Variants in PARP12 observed in about 807,000 individuals in gnomAD.
PARP12 encodes poly(ADP-ribose) polymerase family member 12, also known as protein mono-ADP-ribosyltransferase PARP12.
Under a neutral mutation model 72.4 loss-of-function variants are expected in PARP12, and 59 were observed. That is an observed-to-expected ratio of 0.81 (90% CI 0.66 to 1.01). The LOEUF (loss-of-function observed/expected upper bound fraction) is 1.01, where lower values mean the gene tolerates loss of function less well. PARP12 is among the 50% of genes least tolerant of loss of function. PARP12 has a pLI of 0.00. For synonymous variants in PARP12, 403 were observed against 371.4 expected (o/e 1.09, Z -0.98); for missense variants, 851 against 914.0 (o/e 0.93, Z 0.89).
chr7:140,044,338 G>A (rs1464134272), intron 5 of PARP12, among the ~76,000 whole-genome samples: 1 of 152,194 alleles, frequency 6.6e-6, no homozygotes, highest in African/African-American at 2.4e-5. Flanking sequence ...TTGGATTCGG[G>A]TGGGCCCTAA....
chr7:140,050,789 T>C (rs1006435815), intron 4 of PARP12, among the ~76,000 whole-genome samples: 4 of 151,776 alleles, frequency 2.6e-5, no homozygotes, highest in African/African-American at 4.8e-5. Context: ...ATTTTTAGGA[T>C]ACAAAAAACA....
In PARP12 at chr7:140,024,900, G is replaced by A. The variant is rs747311214; in HGVS notation, c.1781-15C>T. On this transcript the variant is annotated splice_polypyrimidine_tract_variant and intron_variant, in intron 11 of 11. Coordinates refer to ENST00000263549, the MANE Select transcript of PARP12 (RefSeq NM_022750.4). ...AAAGTAGCTCCCTGAAATGACACACGAGGGCTCAGCTGGTGGAGGGGCCTG... is the reference window on the plus strand; with the variant it reads ...AAAGTAGCTCCCTGAAATGACACACAAGGGCTCAGCTGGTGGAGGGGCCTG... 22 of 1,609,006 alleles carry A rather than the reference G, an allele frequency of 1.4e-5. No individual in the cohort carries two copies. The Admixed American group carries it at 2.0e-4, about 15-fold the overall frequency.
chr7:140,027,520 G>A (rs1448574394), intron 9 of PARP12, 114 bp from the exon 10 acceptor site: 8 of 1,296,516 alleles, frequency 6.2e-6, no homozygotes, highest in Admixed American at 5.8e-5. Context: ...AGCCCAGAGA[G>A]CAGTGACCAC....
chr7:140,039,864 G>A (rs934665239), intron 6 of PARP12, among the ~76,000 whole-genome samples: 1 of 151,678 alleles, frequency 6.6e-6, no homozygotes, highest in African/African-American at 2.4e-5. Context: ...ATCCACACGC[G>A]GTTCATCCCC....
rs1397647842 is a variant in PARP12, at chr7:140,062,549, T to G, written c.299A>C (p.Tyr100Ser). 6.4e-7 allele frequency: 1 copy of G among 1,555,558 alleles called. No homozygotes were observed. The highest frequency in any genetic ancestry group is 8.7e-7 in the Non-Finnish European group (1 of 1,155,140). The stretch of plus-strand genomic sequence containing the variant: ...GGCTCTCAGGAACTTGCAGGCGCCG[T>G]AGACCATGAACCTGCAGAGGTGGAG... ...AQLHLCRFMV[Y>S]GACKFLRAGK... Residue 100 changes from tyrosine to serine, a missense_variant, in exon 1 of 12, where the codon TAC (tyrosine) becomes TCC (serine). By Grantham distance (144) the Tyr-to-Ser change is moderately radical. Coordinates refer to ENST00000263549, the MANE Select transcript of PARP12 (RefSeq NM_022750.4).
chr7:140,048,575 C>A (rs1389806803), intron 4 of PARP12, among the ~76,000 whole-genome samples: 2 of 152,100 alleles, frequency 1.3e-5, no homozygotes, highest in Non-Finnish European at 1.5e-5. Flanking sequence ...CAGAATGCCT[C>A]TATTTGGGTA....
At chr7:140,054,937 G>C (rs565787715) in intron 3 of PARP12, among the ~76,000 whole-genome samples, 174 bp from the exon 4 acceptor site, 1 of 152,216 alleles carries the variant, frequency 6.6e-6, no homozygotes, top group South Asian at 2.1e-4. Flanking sequence ...TTTAGTGACA[G>C]GCTGGCAGCC....
intron 11 of PARP12, among the ~76,000 whole-genome samples, chr7:140,025,922 C>T (rs1404071942): frequency 3.3e-5 from 5 of 152,222 alleles, no homozygotes; most frequent in African/African-American, 9.6e-5. Context: ...TCTCCTCTCC[C>T]GTCTCTGTCA....
intron 8 of PARP12, among the ~76,000 whole-genome samples, chr7:140,029,468 T>C (rs982471717): frequency 3.3e-5 from 5 of 152,182 alleles, no homozygotes; most frequent in African/African-American, 1.2e-4. Flanking sequence ...AACATATACC[T>C]TCATCCTAAG....
At chr7:140,044,478 T>C (rs1007200799) in intron 5 of PARP12, among the ~76,000 whole-genome samples, 1 of 152,138 alleles carries the variant, frequency 6.6e-6, no homozygotes, top group Non-Finnish European at 1.5e-5. Flanking sequence ...TTTCTAAGCA[T>C]CAGAATCCTG....
chr7:140,062,438 T>C, intron 1 of PARP12, 84 bp downstream of exon 1: 1 of 1,362,856 alleles, frequency 7.3e-7, no homozygotes, highest in South Asian at 1.4e-5. Context: ...TGCTCAAACT[T>C]CAAGTAGGAC....
rs1815647554 is a variant in PARP12, at chr7:140,024,544, G to T, written c.*16C>A. Reference sequence around the variant, plus strand: ...CAAGGCAGAGCAGGTGAAAGGCCTGGAACACTCCTGTGCGCTCACTGTCGG... The same window carrying T: ...CAAGGCAGAGCAGGTGAAAGGCCTGTAACACTCCTGTGCGCTCACTGTCGG... On this transcript the variant is annotated 3_prime_UTR_variant, in exon 12 of 12. Coordinates refer to ENST00000263549, the MANE Select transcript of PARP12 (RefSeq NM_022750.4). 2 of 1,613,710 alleles carry T rather than the reference G, an allele frequency of 1.2e-6. No individual in the cohort carries two copies. Among genetic ancestry groups the T allele is most frequent in the African/African-American group, 1.3e-5 (1 of 75,016 alleles).
chr7:140,027,913 C>T (rs868198948), intron 9 of PARP12, among the ~76,000 whole-genome samples: 18 of 152,104 alleles, frequency 1.2e-4, no homozygotes, highest in Middle Eastern at 3.2e-3. Flanking sequence ...ACCACAGAGT[C>T]GTCTAGACAA....
Position 140,024,123 on chromosome 7 carries a change from C to T in PARP12, c.*437G>A, listed in dbSNP as rs922436712. 1.8e-5 allele frequency: 5 copies of T among 282,182 alleles called. No homozygotes were observed. Among genetic ancestry groups the T allele is most frequent in the South Asian group, 3.4e-5 (1 of 29,140 alleles). 17.5% of individuals were successfully genotyped at this position (282,182 alleles called of 1,614,324 possible). A position where few individuals can be genotyped will look rare whatever the true frequency, so the allele number is the denominator to read the frequency against. On this transcript the variant is annotated 3_prime_UTR_variant, in exon 12 of 12. Transcript: ENST00000263549. ...GAGCAACAGGCAGAAGTGACTGTGCCGCCCGTGGGCTGTCATCCACCGGTG... is the reference window on the plus strand; with the variant it reads ...GAGCAACAGGCAGAAGTGACTGTGCTGCCCGTGGGCTGTCATCCACCGGTG...
chr7:140,025,786 A>ATT (rs1815715271), intron 11 of PARP12, among the ~76,000 whole-genome samples: 1 of 152,238 alleles, frequency 6.6e-6, no homozygotes, highest in Non-Finnish European at 1.5e-5. Context: ...AAACACTCAG[A>ATT]TAACTCACGT....
intron 4 of PARP12, among the ~76,000 whole-genome samples, chr7:140,047,480 A>T (rs139840935): frequency 9.8e-5 from 15 of 152,328 alleles, no homozygotes; most frequent in South Asian, 4.2e-4. Context: ...GGCCCTTGAC[A>T]ACCTGGACTT....
At chr7:140,033,256 G>C in intron 8 of PARP12, 1 of 985,400 alleles carries the variant, frequency 1.0e-6, no homozygotes, top group Non-Finnish European at 1.2e-6. Flanking sequence ...TACTTTGCTA[G>C]GTCTGACTCA....
chr7:140,061,094 C>T (rs1401026193), intron 1 of PARP12, among the ~76,000 whole-genome samples: 1 of 152,244 alleles, frequency 6.6e-6, no homozygotes, highest in Non-Finnish European at 1.5e-5. Flanking sequence ...TTCTCACACA[C>T]ATAGCCCTTG....
intron 7 of PARP12, among the ~76,000 whole-genome samples, chr7:140,037,380 G>A (rs543071236): frequency 2.1e-4 from 32 of 152,374 alleles, no homozygotes; most frequent in African/African-American, 6.5e-4. Context: ...GACACTGCAC[G>A]ACGGAGCTGC....
Sources: allele counts gnomAD v4.1 joint callset (sites outside exome capture counted in the v4.1 genomes callset), GRCh38; gene constraint gnomAD v4.1.1; transcripts MANE v1.5; gene names NCBI Gene and HGNC (gene_info 2026-07-23, HGNC 2026-07-21).